The following IL1RAPL2 variants were observed in gnomAD, a reference collection of about 807,000 sequenced individuals.
IL1RAPL2 encodes the protein X-linked interleukin-1 receptor accessory protein-like 2.
Under a neutral mutation model 44.1 loss-of-function variants are expected in IL1RAPL2, and 3 were observed. That is an observed-to-expected ratio of 0.07 (90% CI 0.03 to 0.18). The LOEUF (loss-of-function observed/expected upper bound fraction) is 0.18. Ranked by LOEUF, IL1RAPL2 falls within the 10% of genes least tolerant of loss-of-function variation. The probability of loss-of-function intolerance (pLI) is 1.00; values close to 1 mark genes in which losing one functional copy is unlikely to be tolerated. For missense variants in IL1RAPL2, 391 were observed against 496.4 expected (o/e 0.79, Z 2.02); for synonymous variants, 181 against 178.8 (o/e 1.01, Z -0.10).
At chrX:104,848,342 A>G (rs1336010595) in intron 2 of IL1RAPL2, among the ~76,000 whole-genome samples, 1 of 104,496 alleles carries the variant, frequency 9.6e-6, no homozygotes, top group Non-Finnish European at 1.9e-5. Flanking sequence ...AAAAATAGTC[A>G]TCTTATTTTA....
chrX:105,230,883 A>G (rs898424771), intron 3 of IL1RAPL2, among the ~76,000 whole-genome samples: 2 of 111,394 alleles, frequency 1.8e-5, no homozygotes, highest in Non-Finnish European at 3.8e-5. Context: ...TTGTTAAGAA[A>G]CCACTATATC....
rs765777980 is a variant in IL1RAPL2 at position 104,824,466 on chromosome X, C to T, written c.82+165471C>T. ...TTGGAATACTTTCAAGGAATAGTAC[C>T]AGCTCCTCTTTGTACCTCTGGTAGA... is the stretch of plus-strand genomic sequence containing the variant. On this transcript the variant is annotated intron_variant, in intron 2 of 10. Coordinates refer to ENST00000372582, the MANE Select transcript of IL1RAPL2 (RefSeq NM_017416.2). 1.3e-4 allele frequency among the ~76,000 whole-genome samples: 14 copies of T among 111,897 alleles called. No homozygotes were observed. The South Asian group carries it at 5.2e-3, about 42-fold the overall frequency.
At chrX:105,124,080 T>C (rs945635745) in intron 2 of IL1RAPL2, among the ~76,000 whole-genome samples, 1 of 111,226 alleles carries the variant, frequency 9.0e-6, no homozygotes, top group Non-Finnish European at 1.9e-5. Flanking sequence ...CAACCTTGAC[T>C]TCCTGTCATT....
At chrX:105,406,563 G>A (rs1209482472) in intron 5 of IL1RAPL2, 11 of 1,195,328 alleles carry the variant, frequency 9.2e-6, no homozygotes, top group Non-Finnish European at 1.2e-5. Context: ...CAGTGGTGCT[G>A]ATCTTTCTCG....
intron 5 of IL1RAPL2, among the ~76,000 whole-genome samples, chrX:105,399,094 G>T (rs1299849394): frequency 9.0e-6 from 1 of 111,483 alleles, no homozygotes; most frequent in Non-Finnish European, 1.9e-5. Flanking sequence ...ATTCAGAAAA[G>T]CAATGAGGTG....
intron 10 of IL1RAPL2, among the ~76,000 whole-genome samples, chrX:105,765,762 G>A (rs765835708): frequency 8.9e-6 from 1 of 112,929 alleles, no homozygotes. Context: ...ATATGCATCT[G>A]TAAAGTAAGT....
chrX:104,753,944 G>C (rs921967308), intron 2 of IL1RAPL2, among the ~76,000 whole-genome samples: 2 of 111,275 alleles, frequency 1.8e-5, no homozygotes, highest in African/African-American at 3.3e-5. Context: ...TTAGCGTTCA[G>C]GTTTTAGACT....
chrX:104,704,305 G>A (rs1931328745), intron 2 of IL1RAPL2, among the ~76,000 whole-genome samples: 1 of 111,745 alleles, frequency 8.9e-6, no homozygotes. Flanking sequence ...AGTGGCCAGT[G>A]TGGCTGGAAC....
chrX:105,317,556 C>G (rs1478309374), intron 5 of IL1RAPL2, among the ~76,000 whole-genome samples: 1 of 111,523 alleles, frequency 9.0e-6, no homozygotes, highest in African/African-American at 3.3e-5. Context: ...AAAGATTATT[C>G]TGGAGAGCTA....
intron 6 of IL1RAPL2, among the ~76,000 whole-genome samples, chrX:105,582,373 G>A (rs915904763): frequency 9.0e-6 from 1 of 111,008 alleles, no homozygotes; most frequent in Non-Finnish European, 1.9e-5. Context: ...TTGAAATTTG[G>A]CTGGAATTGC....
chrX:104,998,945 CA>C (rs1292648379), intron 2 of IL1RAPL2, among the ~76,000 whole-genome samples: 1 of 111,466 alleles, frequency 9.0e-6, no homozygotes, highest in Non-Finnish European at 1.9e-5. Context: ...GGACTATAGG[CA>C]TGTGCCACCA....
intron 2 of IL1RAPL2, among the ~76,000 whole-genome samples, chrX:104,678,184 C>T (rs933647836): frequency 8.9e-6 from 1 of 112,444 alleles, no homozygotes; most frequent in Non-Finnish European, 1.9e-5. Flanking sequence ...TTACAAAAAG[C>T]CTTAAGAAAA....
At position 105,671,046 on chromosome X, in the gene IL1RAPL2, C is replaced by A. The variant is rs1302451266; in HGVS notation, c.773-46321C>A. Among the ~76,000 whole-genome samples the A allele has an allele frequency of 4.5e-5, 5 of 110,359 alleles. No individual in the cohort carries two copies. In the East Asian group the frequency reaches 1.4e-3, roughly 31 times the overall value. On this transcript the variant is annotated intron_variant, in intron 6 of 10. Coordinates refer to ENST00000372582, the MANE Select transcript of IL1RAPL2 (RefSeq NM_017416.2). Reference sequence around the variant, plus strand: ...CACTGCAACCTCCGCCTCCCAGGTTCAAGTGATTCTCCTGCCTCAGCTCCC... The same window carrying A: ...CACTGCAACCTCCGCCTCCCAGGTTAAAGTGATTCTCCTGCCTCAGCTCCC...
chrX:105,342,284 A>G (rs943610047), intron 5 of IL1RAPL2, among the ~76,000 whole-genome samples: 14 of 110,731 alleles, frequency 1.3e-4, no homozygotes, highest in African/African-American at 4.6e-4. Flanking sequence ...CGTTGTGCAC[A>G]TGTACCCTAA....
chrX:105,499,458 C>T (rs1230793063), intron 6 of IL1RAPL2, among the ~76,000 whole-genome samples: 2 of 111,052 alleles, frequency 1.8e-5, no homozygotes, highest in Non-Finnish European at 3.8e-5. Context: ...AGACAACCTA[C>T]AAAATAGAAG....
chrX:105,540,485 T>C (rs2036712325), intron 6 of IL1RAPL2, among the ~76,000 whole-genome samples: 1 of 109,894 alleles, frequency 9.1e-6, no homozygotes, highest in South Asian at 3.9e-4. Context: ...TGGGTACTCG[T>C]GGACATAAAG....
chrX:105,214,094 T>C (rs1364197411), intron 3 of IL1RAPL2, among the ~76,000 whole-genome samples: 3 of 103,889 alleles, frequency 2.9e-5, no homozygotes, highest in East Asian at 6.0e-4. Context: ...AGCATCATGA[T>C]GACAGGATCA....
intron 6 of IL1RAPL2, among the ~76,000 whole-genome samples, chrX:105,540,977 T>C: frequency 1.1e-5 from 1 of 89,529 alleles, no homozygotes; most frequent in African/African-American, 4.0e-5. Context: ...ATATGTTAGA[T>C]TATATATATA....
At position 104,786,873 on chromosome X, in the gene IL1RAPL2, G is replaced by A. The variant is rs977862087; in HGVS notation, c.82+127878G>A. On this transcript the variant is annotated intron_variant, in intron 2 of 10. Coordinates refer to ENST00000372582, the MANE Select transcript of IL1RAPL2 (RefSeq NM_017416.2). ...AAGGTTATGTACCCTATGTTGCCTC[G>A]CAGGATGAGTAAGAATTCCCTCTCT... Among the ~76,000 whole-genome samples the A allele has an allele frequency of 5.7e-5, 6 of 104,483 alleles. No homozygotes were observed. In the East Asian group the frequency reaches 1.6e-3, roughly 27 times the overall value. The allele number at this position is 104,483 out of a possible 115,157, so 90.7% of individuals were successfully genotyped here.
Sources: gnomAD v4.1 joint callset for allele counts (sites outside exome capture counted in the v4.1 genomes callset) on GRCh38, gnomAD v4.1.1 for gene constraint, MANE v1.5 for transcripts, NCBI Gene and HGNC (gene_info 2026-07-23, HGNC 2026-07-21) for gene names.